BABAM2: variants seen among roughly 807,000 people sequenced by gnomAD.
The protein encoded by BABAM2 is BRISC and BRCA1 A complex member 2, also known as BRISC and BRCA1-A complex member 2.
In BABAM2, 31 loss-of-function variants were observed where a neutral mutation model predicts 54.7. The observed-to-expected ratio is 0.57, with a 90% CI of 0.43 to 0.77. BABAM2 has a LOEUF of 0.77. Ranked by LOEUF, BABAM2 falls within the 30% of genes least tolerant of loss-of-function variation. BABAM2 has a pLI of 0.00. For synonymous variants in BABAM2, 167 were observed against 162.9 expected, an observed-to-expected ratio of 1.03 and a Z score of -0.19; for missense variants, 364 against 455.8, an observed-to-expected ratio of 0.80 and a Z score of 1.83.
At chr2:27,909,525 C>A (rs757866962) in intron 2 of BABAM2, among the ~76,000 whole-genome samples, 1 of 152,096 alleles carries the variant, frequency 6.6e-6, no homozygotes. Flanking sequence ...CCTTTTTACT[C>A]TGTTGATAAT....
rs141197880 is a variant in BABAM2 at position 28,046,319 on chromosome 2, G to A, written c.570+520G>A. 9.8e-4 allele frequency among the ~76,000 whole-genome samples: 149 copies of A among 152,220 alleles called. 1 individual carries two copies. Among genetic ancestry groups the A allele is most frequent in the African/African-American group, 3.4e-3 (141 of 41,560 alleles). On this transcript the variant is annotated intron_variant, in intron 6 of 11. Coordinates refer to ENST00000379624, the MANE Select transcript of BABAM2 (RefSeq NM_199191.3). ...AAAAAAATAGACAAATATTAGCCGG[G>A]CATGGTGGCAGGCTCCTATAATCCC...
chr2:28,198,885 T>C (rs1023646364), intron 7 of BABAM2, among the ~76,000 whole-genome samples: 2 of 152,150 alleles, frequency 1.3e-5, no homozygotes, highest in African/African-American at 4.8e-5. Context: ...TCTGTTCTAG[T>C]GACAACACCT....
At position 28,169,884 on chromosome 2, in the gene BABAM2, T is replaced by G. The variant is rs78614253; in HGVS notation, c.680+40504T>G. Among the ~76,000 whole-genome samples the G allele has an allele frequency of 1.3e-3, 201 of 152,038 alleles. 3 individuals carry two copies. In the East Asian group the frequency reaches 0.036, roughly 28 times the overall value. ...AAAAGCAAAAACAAAAACCATAGCC[T>G]GGGATCATATTTATAATACAGGGCA... On this transcript the variant is annotated intron_variant, in intron 7 of 11. Transcript: ENST00000379624.
intron 2 of BABAM2, among the ~76,000 whole-genome samples, chr2:27,910,308 A>G (rs1183163637): frequency 2.0e-5 from 3 of 152,328 alleles, no homozygotes; most frequent in African/African-American, 7.2e-5. Flanking sequence ...TCCTAGGTTG[A>G]AAAAAGTCAT....
intron 4 of BABAM2, among the ~76,000 whole-genome samples, chr2:28,024,232 G>T (rs1186504403): frequency 6.6e-6 from 1 of 152,044 alleles, no homozygotes; most frequent in South Asian, 2.1e-4. Flanking sequence ...GTGAAACCCC[G>T]TCTCTACTAA....
chr2:27,979,747 C>T (rs912091149), intron 3 of BABAM2, among the ~76,000 whole-genome samples: 2 of 152,042 alleles, frequency 1.3e-5, no homozygotes, highest in African/African-American at 4.8e-5. Context: ...TGAATTGTTT[C>T]TTAGAAACTA....
chr2:27,928,767 C>T (rs1431768181), intron 2 of BABAM2, among the ~76,000 whole-genome samples: 2 of 152,096 alleles, frequency 1.3e-5, no homozygotes, highest in South Asian at 4.1e-4. Context: ...ATTACTTTCT[C>T]AATTGACTTC....
At position 28,112,191 on chromosome 2, in the gene BABAM2, C is replaced by CT. The variant is rs1558347328; in HGVS notation, c.571-17079dup. ...CCTCCCTCCCTCCCTCCCTCCCTCC[C>CT]TCCCTCCCTTCCTTCCTTCCTTCCT... On this transcript the variant is annotated intron_variant, in intron 6 of 11. Transcript: ENST00000379624. Among the ~76,000 whole-genome samples, 170 of 79,434 alleles carry CT rather than the reference C, an allele frequency of 2.1e-3. 9 individuals carry two copies. Among genetic ancestry groups the CT allele is most frequent in the African/African-American group, 6.9e-3 (131 of 19,020 alleles). 52.1% of individuals were successfully genotyped at this position (79,434 alleles called of 152,430 possible).
At chr2:28,212,186 A>T (rs189052150) in intron 7 of BABAM2, among the ~76,000 whole-genome samples, 24 of 152,290 alleles carry the variant, frequency 1.6e-4, no homozygotes, top group Non-Finnish European at 1.8e-4. Flanking sequence ...AGATATTTGC[A>T]AATTATTTTG....
intron 3 of BABAM2, among the ~76,000 whole-genome samples, chr2:27,962,257 C>T (rs149125002): frequency 3.3e-5 from 5 of 152,200 alleles, no homozygotes; most frequent in Non-Finnish European, 7.4e-5. Flanking sequence ...TGGTGTAAGC[C>T]ACTGCATCTG....
At position 28,304,354 on chromosome 2, in the gene BABAM2, C is replaced by T. The variant is rs1688343052; in HGVS notation, c.1088+5863C>T. 6.6e-6 allele frequency among the ~76,000 whole-genome samples: 1 copy of T among 150,862 alleles called. No individual in the cohort carries two copies. Among genetic ancestry groups the T allele is most frequent in the Admixed American group, 6.6e-5 (1 of 15,130 alleles). On this transcript the variant is annotated intron_variant, in intron 11 of 11. Transcript: ENST00000379624. The surrounding 1 kb of genome is among the most constrained non-coding windows in gnomAD (Gnocchi z 4.0). ...TACAGGCATGAGCCACTGCATTCCA[C>T]CTGTTTTTGCTTTTATTGTAAATTA...
At position 28,304,263 on chromosome 2, in the gene BABAM2, C is replaced by A. The variant is rs1240499347; in HGVS notation, c.1088+5772C>A. ...TACAGACAGGGTTTTGGCATGTTGG[C>A]CAGTCTGGTTTCAAACTCCTGACTT... On this transcript the variant is annotated intron_variant, in intron 11 of 11. Transcript: ENST00000379624. This position sits in a 1 kb window ranked among gnomAD's most constrained non-coding sequence, Gnocchi z 4.0. Among the ~76,000 whole-genome samples, 2 of 152,046 alleles carry A rather than the reference C, an allele frequency of 1.3e-5. No homozygotes were observed. The highest frequency in any genetic ancestry group is 4.8e-5 in the African/African-American group (2 of 41,518).
chr2:28,252,201 C>G (rs1388692513), intron 10 of BABAM2, among the ~76,000 whole-genome samples: 1 of 147,440 alleles, frequency 6.8e-6, no homozygotes, highest in Non-Finnish European at 1.5e-5. Context: ...AAAAAAAAAG[C>G]AAAAAAACTA....
chr2:28,179,189 A>G (rs1224305692), intron 7 of BABAM2, among the ~76,000 whole-genome samples: 1 of 152,120 alleles, frequency 6.6e-6, no homozygotes, highest in Non-Finnish European at 1.5e-5. Flanking sequence ...TAACAAAAAA[A>G]GGAAATGGCA....
At chr2:28,020,334 T>C (rs539110375) in intron 4 of BABAM2, among the ~76,000 whole-genome samples, 1 of 152,360 alleles carries the variant, frequency 6.6e-6, no homozygotes, top group South Asian at 2.1e-4. Flanking sequence ...CTATTATGTT[T>C]TCTTAAAAGT....
At chr2:28,144,352 C>G (rs931255933) in intron 7 of BABAM2, among the ~76,000 whole-genome samples, 1 of 152,114 alleles carries the variant, frequency 6.6e-6, no homozygotes, top group Non-Finnish European at 1.5e-5. Flanking sequence ...CACCTGAATT[C>G]ATTTAGGATA....
intron 10 of BABAM2, among the ~76,000 whole-genome samples, chr2:28,264,431 C>G (rs1684804189): frequency 6.6e-6 from 1 of 152,194 alleles, no homozygotes; most frequent in Admixed American, 6.5e-5. Flanking sequence ...GTATTATAAA[C>G]TGTCTCCTAT....
chr2:28,013,926 T>G (rs1674605715), intron 4 of BABAM2, among the ~76,000 whole-genome samples: 1 of 152,120 alleles, frequency 6.6e-6, no homozygotes, highest in African/African-American at 2.4e-5. Flanking sequence ...TGCTTATCGT[T>G]AAGATATGTA....
intron 6 of BABAM2, among the ~76,000 whole-genome samples, chr2:28,114,542 C>G (rs1668435780): frequency 6.6e-6 from 1 of 152,144 alleles, no homozygotes; most frequent in Non-Finnish European, 1.5e-5. Flanking sequence ...ATATTGACCT[C>G]TTTGAGGAGT....
Sources: gnomAD v4.1 joint callset for allele counts (sites outside exome capture counted in the v4.1 genomes callset) on GRCh38, gnomAD v4.1.1 for gene constraint, Gnocchi (gnomAD v3.1) non-coding constraint, MANE v1.5 for transcripts, NCBI Gene and HGNC (gene_info 2026-07-23, HGNC 2026-07-21) for gene names.